The following ACACA variants were observed in gnomAD, a reference collection of about 807,000 sequenced individuals.
The protein encoded by ACACA is acetyl-CoA carboxylase alpha.
A neutral mutation model predicts 296.1 loss-of-function variants in ACACA; 103 were observed. That is an observed-to-expected ratio of 0.35 (90% CI 0.30 to 0.41). ACACA has a LOEUF of 0.41. Ranked by LOEUF, ACACA falls within the 10% of genes least tolerant of loss-of-function variation. The pLI is 1.00. For synonymous variants in ACACA, 953 were observed against 1,038.6 expected (o/e 0.92, Z 1.58); for missense variants, 1,554 against 2,989.7 (o/e 0.52, Z 11.20).
chr17:37,263,426 C>A (rs186087452), intron 11 of ACACA, among the ~76,000 whole-genome samples: 1 of 152,280 alleles, frequency 6.6e-6, no homozygotes, highest in Admixed American at 6.5e-5. Context: ...CAAAACATTT[C>A]TCTTCTTTAT....
rs907723920 is a variant in ACACA at position 37,158,932 on chromosome 17, C to T, written c.5349+2849G>A. ...GTGGCTAATGCCTATAATCTCAGCA[C>T]TTGGGGAGGCCAAGGTGGGAGGATC... On this transcript the variant is annotated intron_variant, in intron 42 of 55. Coordinates refer to ENST00000616317, the MANE Select transcript of ACACA (RefSeq NM_198834.3). Among the ~76,000 whole-genome samples the T allele has an allele frequency of 4.0e-4, 61 of 152,126 alleles. 1 individual carries two copies. Among genetic ancestry groups the T allele is most frequent in the African/African-American group, 1.4e-3 (60 of 41,472 alleles).
At chr17:37,170,517 G>C (rs1175745200) in intron 41 of ACACA, among the ~76,000 whole-genome samples, 1 of 152,106 alleles carries the variant, frequency 6.6e-6, no homozygotes, top group Non-Finnish European at 1.5e-5. Flanking sequence ...GATCAGAGGT[G>C]ATCATTATTT....
At chr17:37,285,067 T>C in intron 3 of ACACA, 97 bp from the exon 4 acceptor site, 1 of 1,353,184 alleles carries the variant, frequency 7.4e-7, no homozygotes, top group Non-Finnish European at 1.1e-6. Context: ...AACTGCATCC[T>C]GTGAAGACTG....
At chr17:37,280,411 G>A (rs1390342715) in intron 5 of ACACA, among the ~76,000 whole-genome samples, 1 of 152,026 alleles carries the variant, frequency 6.6e-6, no homozygotes, top group Non-Finnish European at 1.5e-5. Flanking sequence ...TTCACCACAT[G>A]GTCCAGGCTG....
chr17:37,305,474 C>T (rs1490142792), intron 3 of ACACA, among the ~76,000 whole-genome samples: 2 of 152,166 alleles, frequency 1.3e-5, no homozygotes, highest in African/African-American at 4.8e-5. Context: ...GCTAGAAAGG[C>T]TTTTATCCTC....
intron 1 of ACACA, among the ~76,000 whole-genome samples, chr17:37,351,100 G>A (rs1340076809): frequency 3.3e-5 from 5 of 151,990 alleles, no homozygotes; most frequent in South Asian, 2.1e-4. Context: ...AGATCGCACC[G>A]CTGCACTCCA....
chr17:37,161,743 T>C (rs2076469671), intron 42 of ACACA, 38 bp downstream of exon 42: 2 of 1,602,544 alleles, frequency 1.2e-6, no homozygotes, highest in Non-Finnish European at 1.7e-6. Context: ...AGCATAACCA[T>C]ATAGCACCTT....
Position 37,085,711 on chromosome 17 carries a change from C to A in ACACA, c.*1605G>T. 2 of 399,188 alleles carry A rather than the reference C, an allele frequency of 5.0e-6. No individual in the cohort carries two copies. Among genetic ancestry groups the A allele is most frequent in the Non-Finnish European group, 8.8e-6 (2 of 226,188 alleles). The allele number at this position is 399,188 out of a possible 1,614,324, so 24.7% of individuals were successfully genotyped here. ...CCAGCCATACAGTGCCCACCTGCAACCCAGAACCATTGAAAAGTCCAGCCA... is the reference window on the plus strand; with the variant it reads ...CCAGCCATACAGTGCCCACCTGCAAACCAGAACCATTGAAAAGTCCAGCCA... On this transcript the variant is annotated 3_prime_UTR_variant, in exon 56 of 56. Transcript: ENST00000616317.
intron 3 of ACACA, among the ~76,000 whole-genome samples, chr17:37,302,530 A>T (rs1386552467): frequency 6.7e-6 from 1 of 149,910 alleles, no homozygotes; most frequent in Admixed American, 6.6e-5. Context: ...TCTTGACCTC[A>T]GGTGATCCAT....
intron 35 of ACACA, among the ~76,000 whole-genome samples, chr17:37,199,583 C>CA (rs1281743172): frequency 6.6e-6 from 1 of 151,936 alleles, no homozygotes; most frequent in Non-Finnish European, 1.5e-5. Flanking sequence ...TAACATAAGA[C>CA]AAAAAATAGC....
intron 37 of ACACA, 109 bp from the exon 38 acceptor site, chr17:37,191,384 G>C: frequency 4.5e-6 from 5 of 1,109,244 alleles, no homozygotes; most frequent in Non-Finnish European, 6.6e-6. Flanking sequence ...AAGGCACTTG[G>C]TGAAGAGATT....
intron 3 of ACACA, among the ~76,000 whole-genome samples, chr17:37,291,364 T>C (rs980185263): frequency 1.3e-5 from 2 of 151,842 alleles, no homozygotes; most frequent in Admixed American, 6.6e-5. Context: ...TTAGTAGAGA[T>C]GGGGTTTCTC....
At chr17:37,391,378 A>G (rs1356321814) in intron 1 of ACACA, among the ~76,000 whole-genome samples, 2 of 152,210 alleles carry the variant, frequency 1.3e-5, no homozygotes, top group Non-Finnish European at 2.9e-5. Flanking sequence ...GTGACTTCCC[A>G]AGGTTACACA....
rs190142216 is a variant in ACACA, at chr17:37,242,454, G to A, written c.2932-401C>T. Among the ~76,000 whole-genome samples the A allele has an allele frequency of 8.5e-5, 13 of 152,300 alleles. No individual in the cohort carries two copies. The East Asian group carries it at 1.9e-3, about 23-fold the overall frequency. On this transcript the variant is annotated intron_variant, in intron 22 of 55. Transcript: ENST00000616317. Reference sequence around the variant, plus strand: ...AAATAAAACTACCAATAGGCCATGTGTGGTGGCTCACACCTGTAACCTCAG... The same window carrying A: ...AAATAAAACTACCAATAGGCCATGTATGGTGGCTCACACCTGTAACCTCAG...
chr17:37,333,190 T>C (rs2047963889), intron 2 of ACACA, among the ~76,000 whole-genome samples: 1 of 152,168 alleles, frequency 6.6e-6, no homozygotes, highest in South Asian at 2.1e-4. Context: ...TAAGTATGCT[T>C]ACCTAGTCCT....
intron 2 of ACACA, among the ~76,000 whole-genome samples, chr17:37,338,474 C>T (rs1195394614): frequency 2.0e-5 from 3 of 149,818 alleles, no homozygotes. Flanking sequence ...CTGGCCAACA[C>T]AGTGAAACCC....
In ACACA at chr17:37,224,990, A is replaced by C; in HGVS notation, c.3474+2T>G. The C allele has an allele frequency of 1.5e-6, 2 of 1,362,130 alleles. No individual in the cohort carries two copies. Among genetic ancestry groups the C allele is most frequent in the Non-Finnish European group, 2.1e-6 (2 of 952,980 alleles). The allele number at this position is 1,362,130 out of a possible 1,614,324, so 84.4% of individuals were successfully genotyped here. A position where few individuals can be genotyped will look rare whatever the true frequency, so the allele number is the denominator to read the frequency against. On this transcript the variant is annotated splice_donor_variant, in intron 27 of 55. Coordinates refer to ENST00000616317, the MANE Select transcript of ACACA (RefSeq NM_198834.3). LOFTEE classifies it high-confidence loss of function. ...GTTATATATATATATATATATATATACCTGCAGGTTCTCAATGCAAAATTG... is the reference window on the plus strand; with the variant it reads ...GTTATATATATATATATATATATATCCCTGCAGGTTCTCAATGCAAAATTG...
intron 35 of ACACA, among the ~76,000 whole-genome samples, chr17:37,197,178 C>T (rs781375555): frequency 6.6e-6 from 1 of 152,180 alleles, no homozygotes; most frequent in African/African-American, 2.4e-5. Flanking sequence ...GGCTAAACTA[C>T]GAAGTATTGT....
At chr17:37,264,857 T>A (rs544892965) in intron 10 of ACACA, among the ~76,000 whole-genome samples, 2 of 152,330 alleles carry the variant, frequency 1.3e-5, no homozygotes, top group South Asian at 4.1e-4. Context: ...AACATCAACC[T>A]TTTATGATGT....
Sources: allele counts gnomAD v4.1 joint callset (sites outside exome capture counted in the v4.1 genomes callset), GRCh38; gene constraint gnomAD v4.1.1; transcripts MANE v1.5; gene names NCBI Gene and HGNC (gene_info 2026-07-23, HGNC 2026-07-21).